The following CLSPN variants were observed in gnomAD, a reference collection of about 807,000 sequenced individuals.
The protein encoded by CLSPN is claspin, also known as claspin homolog.
CLSPN carries 85 observed loss-of-function variants against 156.3 expected under a neutral mutation model. The observed-to-expected ratio is 0.54, with a 90% CI of 0.46 to 0.65. The LOEUF (loss-of-function observed/expected upper bound fraction) is 0.65. Among genes scored for constraint, CLSPN ranks in the 30% least tolerant of loss-of-function variants. CLSPN has a pLI of 0.00. For missense variants in CLSPN, 1,407 were observed against 1,554.9 expected, an observed-to-expected ratio of 0.90 and a Z score of 1.60; for synonymous variants, 534 against 542.4, an observed-to-expected ratio of 0.98 and a Z score of 0.22.
intron 10 of CLSPN, among the ~76,000 whole-genome samples, chr1:35,750,680 ACCCTGCCCGG>A (rs977942539): frequency 1.3e-5 from 2 of 151,972 alleles, no homozygotes; most frequent in African/African-American, 4.8e-5. Flanking sequence ...GGCATGAGCC[ACCCTGCCCGG>A]CCCAAAAAGG....
intron 1 of CLSPN, among the ~76,000 whole-genome samples, chr1:35,766,901 C>T (rs773593086): frequency 4.0e-5 from 6 of 151,548 alleles, no homozygotes; most frequent in Non-Finnish European, 8.8e-5. Flanking sequence ...ATTACAGGTG[C>T]GTGCCACCAT....
At chr1:35,736,891 A>AT in intron 24 of CLSPN, 23 bp downstream of exon 24, 1 of 1,607,164 alleles carries the variant, frequency 6.2e-7, no homozygotes, top group South Asian at 1.1e-5. Flanking sequence ...GGAAGCCACC[A>AT]TATTAGTTCT....
In CLSPN at chr1:35,739,151, G is replaced by A. The variant is rs1344308365; in HGVS notation, c.3415C>T (p.Arg1139Ter). 2 of 1,614,038 alleles carry A rather than the reference G, an allele frequency of 1.2e-6. No individual in the cohort carries two copies. The highest frequency in any genetic ancestry group is 2.2e-5 in the East Asian group (1 of 44,872). The part of the protein sequence containing the change: ...SDGPGRMRKF[R>*]WKNIDDASQM... ...ACCAAGATACCTATGTTTTTCCATC[G>A]AAACTTCCTCATTCGCCCAGGACCA... Residue 1139 changes from arginine to a stop codon, truncating the protein, a stop_gained, in exon 20 of 25, where the codon CGA (arginine) becomes TGA (stop). Transcript: ENST00000318121. LOFTEE classifies it high-confidence loss of function.
At chr1:35,730,567 T>TAAAAA (rs56320150), downstream of CLSPN, among the ~76,000 whole-genome samples, 11 of 62,012 alleles carry the variant, frequency 1.8e-4, no homozygotes, top group East Asian at 1.9e-3. Context: ...GAATCCATAT[T>TAAAAA]AAAAAAAAAA....
chr1:35,756,289 G>A (rs1170450806), intron 8 of CLSPN, among the ~76,000 whole-genome samples: 1 of 152,176 alleles, frequency 6.6e-6, no homozygotes, highest in East Asian at 1.9e-4. Context: ...AAATAGGCAG[G>A]TTATTATGGG....
At position 35,751,337 on chromosome 1, in the gene CLSPN, T is replaced by C; in HGVS notation, c.1941A>G (p.Glu647=). 1 of 1,594,702 alleles carries C rather than the reference T, an allele frequency of 6.3e-7. No homozygotes were observed. Among genetic ancestry groups the C allele is most frequent in the East Asian group, 2.2e-5 (1 of 44,784 alleles). The change falls in exon 10 of 25, where the codon GAA becomes GAG. Residue 647 remains glutamate (E), a synonymous_variant. Transcript: ENST00000318121. ...CTTTCTCTTCTTTCTCTACCTTCTC[T>C]TCTCCATCTTCCTCAGACTCATCTG... ...EMTDESEEDG[E]EKVEKEEKEE...
At chr1:35,731,069 G>A (rs1034538212), downstream of CLSPN, among the ~76,000 whole-genome samples, 10 of 151,658 alleles carry the variant, frequency 6.6e-5, no homozygotes, top group African/African-American at 1.7e-4. Flanking sequence ...GTGTAGTGGC[G>A]CATGCCTGTA....
In CLSPN at chr1:35,734,690, A is replaced by AG; in HGVS notation, c.*1805dup. The AG allele has an allele frequency of 1.3e-5, 6 of 473,606 alleles. No homozygotes were observed. The highest frequency in any genetic ancestry group is 1.6e-5 in the Non-Finnish European group (6 of 374,190). The allele number at this position is 473,606 out of a possible 1,614,324, so 29.3% of individuals were successfully genotyped here. On this transcript the variant is annotated 3_prime_UTR_variant, in exon 25 of 25. Coordinates refer to ENST00000318121, the MANE Select transcript of CLSPN (RefSeq NM_022111.4). ...CAGCCTATGTCTCAAAAAAAAAAAA[A>AG]GAAAAGAAAAGAAAAGAAAAAGAAA...
downstream of CLSPN, among the ~76,000 whole-genome samples, chr1:35,727,836 A>T (rs960511767): frequency 6.6e-6 from 1 of 152,100 alleles, no homozygotes; most frequent in African/African-American, 2.4e-5. Context: ...CAGTCCAATG[A>T]CACTTTGAAA....
At chr1:35,748,145 G>C in intron 13 of CLSPN, 84 bp from the exon 14 acceptor site, 1 of 1,490,092 alleles carries the variant, frequency 6.7e-7, no homozygotes, top group South Asian at 1.3e-5. Flanking sequence ...GTTGCTATTT[G>C]CAATATTTAA....
intron 10 of CLSPN, among the ~76,000 whole-genome samples, 175 bp from the exon 11 acceptor site, chr1:35,749,986 T>C (rs893216044): frequency 1.1e-4 from 14 of 133,098 alleles, no homozygotes; most frequent in African/African-American, 3.6e-4. Context: ...CTGACACTTC[T>C]AGAACTTTTT....
chr1:35,766,691 G>A (rs539623750), intron 1 of CLSPN, among the ~76,000 whole-genome samples: 17 of 152,090 alleles, frequency 1.1e-4, no homozygotes, highest in Middle Eastern at 6.8e-3. Flanking sequence ...TGATCCGCCC[G>A]CCTCAGCCTC....
At chr1:35,730,611 A>G (rs1641292707), downstream of CLSPN, among the ~76,000 whole-genome samples, 1 of 147,932 alleles carries the variant, frequency 6.8e-6, no homozygotes. Flanking sequence ...ACTCAAACAG[A>G]GGTAACCTAA....
At chr1:35,757,472 T>A (rs181537528) in intron 8 of CLSPN, among the ~76,000 whole-genome samples, 1 of 152,328 alleles carries the variant, frequency 6.6e-6, no homozygotes, top group East Asian at 1.9e-4. Context: ...GCTCATTATA[T>A]GCCAGCCACT....
chr1:35,758,572 G>A (rs1298621782), intron 8 of CLSPN, among the ~76,000 whole-genome samples: 1 of 151,942 alleles, frequency 6.6e-6, no homozygotes, highest in Non-Finnish European at 1.5e-5. Context: ...TTGAACCCAG[G>A]AGGCGGAGGT....
At chr1:35,738,139 T>C (rs1161377373) in intron 21 of CLSPN, 42 bp from the exon 22 acceptor site, 4 of 607,668 alleles carry the variant, frequency 6.6e-6, no homozygotes, top group Admixed American at 4.4e-5. Context: ...TATATATATA[T>C]ACAGCATTAA....
At chr1:35,738,613 G>A (rs767349415) in intron 20 of CLSPN, 31 bp from the exon 21 acceptor site, 7 of 1,611,722 alleles carry the variant, frequency 4.3e-6, no homozygotes, top group Non-Finnish European at 5.9e-6. Flanking sequence ...ATCAGCATTC[G>A]GCAGTCCTCA....
At chr1:35,736,880 G>C in intron 24 of CLSPN, 34 bp downstream of exon 24, 1 of 1,587,640 alleles carries the variant, frequency 6.3e-7, no homozygotes. Flanking sequence ...ATTCTGGTTT[G>C]GGAAGCCACC....
At chr1:35,765,023 A>G (rs1446381763) in intron 2 of CLSPN, among the ~76,000 whole-genome samples, 195 bp downstream of exon 2, 2 of 152,230 alleles carry the variant, frequency 1.3e-5, no homozygotes, top group Non-Finnish European at 2.9e-5. Context: ...GCAATATGGT[A>G]GCTATTAGAC....
Sources: gnomAD v4.1 joint callset for allele counts (sites outside exome capture counted in the v4.1 genomes callset) on GRCh38, gnomAD v4.1.1 for gene constraint, MANE v1.5 for transcripts, NCBI Gene and HGNC (gene_info 2026-07-23, HGNC 2026-07-21) for gene names.